The following RPL15 variants were observed in gnomAD, a reference collection of about 807,000 sequenced individuals.
RPL15 encodes the protein ribosomal protein L15, also known as large ribosomal subunit protein eL15.
For synonymous variants in RPL15, 97 were observed against 95.1 expected, an observed-to-expected ratio of 1.02 and a Z score of -0.12; for missense variants, 161 against 271.8, an observed-to-expected ratio of 0.59 and a Z score of 2.87.
In RPL15 at chr3:23,920,858, GTTA is replaced by G. The variant is rs1178354583; in HGVS notation, c.*1360_*1362del. On this transcript the variant is annotated 3_prime_UTR_variant, in exon 4 of 4. Transcript: ENST00000307839. ...TTAAACTAAAACAAATGGACCTTCTGTTATTTTTTGTCATCTTACAGTGCTAAT... is the reference window on the plus strand; with the variant it reads ...TTAAACTAAAACAAATGGACCTTCTGTTTTTTGTCATCTTACAGTGCTAAT... 2.4e-6 allele frequency: 2 copies of G among 845,204 alleles called. No individual in the cohort carries two copies. Among genetic ancestry groups the G allele is most frequent in the Non-Finnish European group, 2.8e-6 (2 of 702,450 alleles). The allele number at this position is 845,204 out of a possible 1,614,324, so 52.4% of individuals were successfully genotyped here. A position where few individuals can be genotyped will look rare whatever the true frequency, so the allele number is the denominator to read the frequency against.
rs758083776 is a variant in RPL15, at chr3:23,919,217, G to A, written c.331G>A (p.Gly111Arg). The A allele has an allele frequency of 1.2e-6, 2 of 1,613,786 alleles. No individual in the cohort carries two copies. The highest frequency in any genetic ancestry group is 8.5e-7 in the Non-Finnish European group (1 of 1,179,762). ...VAEERAGRHCGALRVLNSYWV... is the reference protein window; with the variant it reads ...VAEERAGRHCRALRVLNSYWV... The stretch of plus-strand genomic sequence containing the variant: ...CTAGGAGCGAGCTGGACGCCACTGT[G>A]GGGCTCTGAGAGTCCTGAATTCTTA... The change falls in exon 4 of 4, where the codon GGG (glycine) becomes AGG (arginine). Residue 111 changes from glycine (G) to arginine (R), a missense_variant. By Grantham distance (125) the Gly-to-Arg change is moderately radical. Coordinates refer to ENST00000307839, the MANE Select transcript of RPL15 (RefSeq NM_002948.5).
chr3:23,922,334 A>G (rs1575125334), downstream of RPL15: 1 of 152,278 alleles, frequency 6.6e-6, no homozygotes, highest in Admixed American at 6.5e-5. This position sits in a 1 kb window ranked among gnomAD's most constrained non-coding sequence, Gnocchi z 4.2. Flanking sequence ...AAGATGAAGC[A>G]ACTTGCTCAA....
At chr3:23,923,527 A>T (rs567423210), downstream of RPL15, 1 of 152,248 alleles carries the variant, frequency 6.6e-6, no homozygotes, top group South Asian at 2.1e-4. Context: ...CTGGAACTTC[A>T]TTCTTTTGGT....
rs1002624626 is a variant in RPL15, at chr3:23,920,720, T to A, written c.*1219T>A. ...TTAATTGATTTCCAGGAAGTACTCA[T>A]AGCAAGTTCATAAAAGTTCTTGAGA... On this transcript the variant is annotated 3_prime_UTR_variant, in exon 4 of 4. Transcript: ENST00000307839. 1 of 982,310 alleles carries A rather than the reference T, an allele frequency of 1.0e-6. No homozygotes were observed. Among genetic ancestry groups the A allele is most frequent in the Non-Finnish European group, 1.2e-6 (1 of 828,702 alleles). 60.8% of individuals were successfully genotyped at this position (982,310 alleles called of 1,614,324 possible). A position where few individuals can be genotyped will look rare whatever the true frequency, so the allele number is the denominator to read the frequency against.
chr3:23,919,141 C>T (rs1165087371), intron 3 of RPL15, 55 bp from the exon 4 acceptor site: 2 of 1,226,096 alleles, frequency 1.6e-6, no homozygotes, highest in Non-Finnish European at 2.4e-6. Flanking sequence ...TTCTTTCTGA[C>T]TTGCTGCTAT....
At chr3:23,921,769 T>G (rs1705096220), downstream of RPL15, 1 of 595,640 alleles carries the variant, frequency 1.7e-6, no homozygotes, top group African/African-American at 1.9e-5. Flanking sequence ...GAGACTGGGT[T>G]TCACTATGTT....
Position 23,917,877 on chromosome 3 carries a change from C to T in RPL15, c.18C>T (p.Tyr6=), listed in dbSNP as rs774562896. 5.0e-6 allele frequency: 8 copies of T among 1,608,946 alleles called. No individual in the cohort carries two copies. In the East Asian group the frequency reaches 1.6e-4, roughly 31 times the overall value. Residue 6 remains tyrosine (Y), a synonymous_variant, in exon 2 of 4, where the codon TAC becomes TAT. Coordinates refer to ENST00000307839, the MANE Select transcript of RPL15 (RefSeq NM_002948.5). MGAYK[Y]IQELWRKKQS... ...AAGCCAAGATGGGTGCATACAAGTA[C>T]ATCCAGGAGCTATGGAGAAAGAAGC...
At chr3:23,921,480 A>G (rs926759871), downstream of RPL15, 2 of 637,880 alleles carry the variant, frequency 3.1e-6, no homozygotes, top group Non-Finnish European at 5.5e-6. Flanking sequence ...TCACTTTATT[A>G]GCTATACCCT....
chr3:23,921,509 T>C, downstream of RPL15: 1 of 672,760 alleles, frequency 1.5e-6, no homozygotes, highest in Non-Finnish European at 2.7e-6. Flanking sequence ...CACAAGCTGT[T>C]CCCATTTGCT....
chr3:23,918,480 A>T lies in RPL15; in HGVS notation c.213A>T (p.Arg71=). Residue 71 remains arginine, a synonymous_variant, in exon 3 of 4, where the codon CGA becomes CGT. Coordinates refer to ENST00000307839, the MANE Select transcript of RPL15 (RefSeq NM_002948.5). ...IYRIRVRRGG[R]KRPVPKGATY... ...GGATTCGTGTTCGCCGTGGTGGCCG[A>T]AAACGCCCAGTTCCTAAGGGTGCAA... 1 of 1,613,520 alleles carries T rather than the reference A, an allele frequency of 6.2e-7. No individual in the cohort carries two copies. Among genetic ancestry groups the T allele is most frequent in the Non-Finnish European group, 8.5e-7 (1 of 1,179,852 alleles).
At position 23,918,505 on chromosome 3, in the gene RPL15, A is replaced by G; in HGVS notation, c.238A>G (p.Thr80Ala). ...AAAACGCCCAGTTCCTAAGGGTGCAACTTACGGCAAGCCTGTCCATCATGG... is the reference window on the plus strand; with the variant it reads ...AAAACGCCCAGTTCCTAAGGGTGCAGCTTACGGCAAGCCTGTCCATCATGG... ...GRKRPVPKGATYGKPVHHGVN... is the reference protein window; with the variant it reads ...GRKRPVPKGAAYGKPVHHGVN... The change falls in exon 3 of 4, where the codon ACT becomes GCT. Residue 80 changes from threonine (T) to alanine (A), a missense_variant. Transcript: ENST00000307839. The G allele has an allele frequency of 6.2e-7, 1 of 1,613,900 alleles. No homozygotes were observed. Among genetic ancestry groups the G allele is most frequent in the South Asian group, 1.1e-5 (1 of 91,070 alleles).
rs956160575 is a variant in RPL15 at position 23,919,464 on chromosome 3, G to A, written c.578G>A (p.Arg193Lys). ...TIGGSRRAAW[R>K]RRNTLQLHRY... Reference sequence around the variant, plus strand: ...GGTGGCTCTCGCCGGGCAGCTTGGAGAAGGCGCAATACTCTCCAGCTCCAC... The same window carrying A: ...GGTGGCTCTCGCCGGGCAGCTTGGAAAAGGCGCAATACTCTCCAGCTCCAC... The change falls in exon 4 of 4, where the codon AGA (arginine) becomes AAA (lysine). Residue 193 changes from arginine (R) to lysine (K), a missense_variant. Physicochemically the swap from Arg to Lys is conservative, Grantham distance 26. Transcript: ENST00000307839. 16 of 1,601,708 alleles carry A rather than the reference G, an allele frequency of 1.0e-5. No homozygotes were observed. The highest frequency in any genetic ancestry group is 1.4e-5 in the Non-Finnish European group (16 of 1,178,924).
chr3:23,924,450 G>C (rs1174186845), downstream of RPL15: 1 of 152,162 alleles, frequency 6.6e-6, no homozygotes, highest in Non-Finnish European at 1.5e-5. Context: ...TGTCACCCAG[G>C]CTGGAGTACA....
chr3:23,919,844 T>A lies in RPL15; in HGVS notation c.*343T>A. On this transcript the variant is annotated 3_prime_UTR_variant, in exon 4 of 4. Coordinates refer to ENST00000307839, the MANE Select transcript of RPL15 (RefSeq NM_002948.5). The stretch of plus-strand genomic sequence containing the variant: ...GTGCATGTGATGAAACCTGCAGCTT[T>A]ATCGGAGTGATGGCAATGCTCTGCT... 9.8e-7 allele frequency: 1 copy of A among 1,023,504 alleles called. No homozygotes were observed. The highest frequency in any genetic ancestry group is 1.2e-6 in the Non-Finnish European group (1 of 855,046). 63.4% of individuals were successfully genotyped at this position (1,023,504 alleles called of 1,614,324 possible).
downstream of RPL15, among the ~76,000 whole-genome samples, chr3:23,924,598 C>T (rs868594450): frequency 6.6e-6 from 1 of 152,012 alleles, no homozygotes; most frequent in Non-Finnish European, 1.5e-5. Flanking sequence ...CGGGTTTGCA[C>T]CATGTTTGCC....
At chr3:23,918,180 G>A (rs1704783083) in intron 2 of RPL15, 149 bp downstream of exon 2, 5 of 1,061,072 alleles carry the variant, frequency 4.7e-6, no homozygotes, top group Non-Finnish European at 6.7e-6. Context: ...GTTACTGTAT[G>A]CACTGTTGTC....
intron 3 of RPL15, chr3:23,918,853 C>T (rs976327638): frequency 4.0e-6 from 2 of 503,958 alleles, no homozygotes; most frequent in African/African-American, 3.8e-5. Flanking sequence ...AAAATATATA[C>T]TAAATATTTT....
At position 23,918,034 on chromosome 3, in the gene RPL15, A is replaced by G; in HGVS notation, c.172+3A>G. On this transcript the variant is annotated splice_donor_region_variant and intron_variant, in intron 2 of 3. Coordinates refer to ENST00000307839, the MANE Select transcript of RPL15 (RefSeq NM_002948.5). Reference sequence around the variant, plus strand: ...ACTGGGCTACAAGGCCAAGCAAGGTACGTGATCGACTGCGTGGATGCTTGG... The same window carrying G: ...ACTGGGCTACAAGGCCAAGCAAGGTGCGTGATCGACTGCGTGGATGCTTGG... 6.2e-7 allele frequency: 1 copy of G among 1,604,564 alleles called. No individual in the cohort carries two copies. Among genetic ancestry groups the G allele is most frequent in the Non-Finnish European group, 8.5e-7 (1 of 1,176,734 alleles).
At position 23,918,048 on chromosome 3, in the gene RPL15, G is replaced by T. The variant is rs768810881; in HGVS notation, c.172+17G>T. The T allele has an allele frequency of 8.1e-6, 13 of 1,597,218 alleles. No homozygotes were observed. Among genetic ancestry groups the T allele is most frequent in the Non-Finnish European group, 1.1e-5 (13 of 1,173,304 alleles). ...CCAAGCAAGGTACGTGATCGACTGC[G>T]TGGATGCTTGGATAAAATTATATTC... On this transcript the variant is annotated intron_variant, in intron 2 of 3. Coordinates refer to ENST00000307839, the MANE Select transcript of RPL15 (RefSeq NM_002948.5).
Sources: allele counts gnomAD v4.1 joint callset (sites outside exome capture counted in the v4.1 genomes callset), GRCh38; gene constraint gnomAD v4.1.1; non-coding constraint Gnocchi (gnomAD v3.1); transcripts MANE v1.5; gene names NCBI Gene and HGNC (gene_info 2026-07-23, HGNC 2026-07-21).